The following AP4E1 variants were observed in gnomAD, a reference collection of about 807,000 sequenced individuals.
AP4E1 encodes AP-4 complex subunit epsilon-1.
A neutral mutation model predicts 128.2 loss-of-function variants in AP4E1; 56 were observed. The observed-to-expected ratio is 0.44, with a 90% CI of 0.35 to 0.55. AP4E1 has a LOEUF of 0.55. Among genes scored for constraint, AP4E1 ranks in the 20% least tolerant of loss-of-function variants. AP4E1 has a pLI of 0.00. For synonymous variants in AP4E1, 484 were observed against 473.1 expected, an observed-to-expected ratio of 1.02 and a Z score of -0.30; for missense variants, 1,324 against 1,307.7, an observed-to-expected ratio of 1.01 and a Z score of -0.19.
At chr15:50,979,131 T>TATGCA (rs1441602780) in intron 15 of AP4E1, among the ~76,000 whole-genome samples, 2 of 152,046 alleles carry the variant, frequency 1.3e-5, no homozygotes, top group African/African-American at 4.8e-5. Flanking sequence ...AGAAAACATT[T>TATGCA]CTTGAGGTAT....
intron 5 of AP4E1, among the ~76,000 whole-genome samples, chr15:50,927,979 G>A (rs2063788283): frequency 6.6e-6 from 1 of 152,126 alleles, no homozygotes; most frequent in South Asian, 2.1e-4. Flanking sequence ...CAAGGAAGAA[G>A]CTTCCTTGGA....
intron 1 of AP4E1, among the ~76,000 whole-genome samples, chr15:50,909,576 C>CTT (rs1380471609): frequency 6.6e-6 from 1 of 152,238 alleles, no homozygotes; most frequent in Non-Finnish European, 1.5e-5. Context: ...AATTCTTAAA[C>CTT]TTTTAAAATT....
intron 12 of AP4E1, 40 bp from the exon 13 acceptor site, chr15:50,950,011 A>C (rs1418716118): frequency 3.1e-6 from 5 of 1,592,854 alleles, no homozygotes; most frequent in Admixed American, 3.3e-5. Context: ...TCCTAAGATA[A>C]GTTTGTGGAA....
chr15:50,934,173 T>C (rs1457197638), intron 7 of AP4E1, among the ~76,000 whole-genome samples: 1 of 152,114 alleles, frequency 6.6e-6, no homozygotes. Flanking sequence ...AAATTTTCTT[T>C]CTGAAGAACC....
intron 1 of AP4E1, among the ~76,000 whole-genome samples, chr15:50,909,782 G>C (rs2063541676): frequency 6.6e-6 from 1 of 152,020 alleles, no homozygotes; most frequent in Admixed American, 6.6e-5. Flanking sequence ...CCGCCTTCCG[G>C]GTTCACGCCA....
At chr15:50,930,750 C>T (rs2063823817) in intron 6 of AP4E1, 55 bp from the exon 7 acceptor site, 2 of 1,548,570 alleles carry the variant, frequency 1.3e-6, no homozygotes, top group African/African-American at 1.4e-5. Context: ...TCAATTAGGT[C>T]TATTTCTATT....
At chr15:50,913,163 T>C (rs2063584713) in intron 2 of AP4E1, among the ~76,000 whole-genome samples, 1 of 152,222 alleles carries the variant, frequency 6.6e-6, no homozygotes, top group Non-Finnish European at 1.5e-5. Flanking sequence ...TGAATATATT[T>C]TCTTCTGTGG....
chr15:50,909,403 A>G (rs986492785), intron 1 of AP4E1, among the ~76,000 whole-genome samples: 1 of 152,086 alleles, frequency 6.6e-6, no homozygotes, highest in African/African-American at 2.4e-5. Context: ...CAGATGTCGC[A>G]TACCTGAAGA....
At chr15:50,944,630 C>A in intron 10 of AP4E1, 4 of 302,630 alleles carry the variant, frequency 1.3e-5, no homozygotes, top group South Asian at 7.7e-5. Context: ...CAGCAAAGAG[C>A]TCGTGGAGTC....
intron 2 of AP4E1, among the ~76,000 whole-genome samples, chr15:50,913,165 C>T (rs534649063): frequency 6.6e-6 from 1 of 152,190 alleles, no homozygotes; most frequent in East Asian, 1.9e-4. Context: ...AATATATTTT[C>T]TTCTGTGGTC....
chr15:50,945,133 T>C lies in AP4E1; in HGVS notation c.1177-2887T>C. ...TTACATACAACATTAGGAAAGACAG[T>C]GTATACTGGGGTTTATCATCACTGT... is the stretch of plus-strand genomic sequence containing the variant. On this transcript the variant is annotated intron_variant, in intron 10 of 20. Transcript: ENST00000261842. 6 of 813,758 alleles carry C rather than the reference T, an allele frequency of 7.4e-6. No individual in the cohort carries two copies. The South Asian group carries it at 8.0e-5, about 11-fold the overall frequency. 50.4% of individuals were successfully genotyped at this position (813,758 alleles called of 1,614,324 possible). A position where few individuals can be genotyped will look rare whatever the true frequency, so the allele number is the denominator to read the frequency against.
chr15:50,963,089 A>C (rs1351883632), intron 14 of AP4E1, among the ~76,000 whole-genome samples: 1 of 152,096 alleles, frequency 6.6e-6, no homozygotes, highest in East Asian at 1.9e-4. Flanking sequence ...AGGAGACAAA[A>C]AATAACAAAT....
intron 8 of AP4E1, among the ~76,000 whole-genome samples, chr15:50,938,001 A>G (rs2063929918): frequency 6.6e-6 from 1 of 152,230 alleles, no homozygotes; most frequent in African/African-American, 2.4e-5. Context: ...TACAAGGGAC[A>G]AAAGCCATCA....
At position 50,949,860 on chromosome 15, in the gene AP4E1, A is replaced by G. The variant is rs765801702; in HGVS notation, c.1351A>G (p.Met451Val). ...TGATAATGCATGGTTTATTCAGACA[A>G]TGAATGCTGTGTTTTCAGTAGGAGG... ...APDNAWFIQT[M>V]NAVFSVGGDV... Residue 451 changes from methionine to valine, a missense_variant, in exon 12 of 21, where the codon ATG becomes GTG. By Grantham distance (21) the Met-to-Val change is conservative (BLOSUM62 1). Coordinates refer to ENST00000261842, the MANE Select transcript of AP4E1 (RefSeq NM_007347.5). 14 of 1,613,700 alleles carry G rather than the reference A, an allele frequency of 8.7e-6. No homozygotes were observed. Among genetic ancestry groups the G allele is most frequent in the African/African-American group, 5.3e-5 (4 of 74,928 alleles).
rs551737008 is a variant in AP4E1 at position 50,909,228 on chromosome 15, A to G, written c.150+300A>G. Among the ~76,000 whole-genome samples the G allele has an allele frequency of 6.6e-5, 10 of 152,374 alleles. No homozygotes were observed. In the South Asian group the frequency reaches 1.2e-3, roughly 19 times the overall value. On this transcript the variant is annotated intron_variant, in intron 1 of 20. Coordinates refer to ENST00000261842, the MANE Select transcript of AP4E1 (RefSeq NM_007347.5). The stretch of plus-strand genomic sequence containing the variant: ...AACGTTGTGGTGGAAAAGTACTGAT[A>G]CATAATTCATAGGTTTTTTGTTTGT...
intron 16 of AP4E1, among the ~76,000 whole-genome samples, chr15:50,985,231 T>G (rs1170127079): frequency 2.0e-5 from 3 of 152,218 alleles, no homozygotes; most frequent in African/African-American, 7.2e-5. Flanking sequence ...ATGAGTAGAT[T>G]GCAAAAATTT....
intron 15 of AP4E1, 82 bp downstream of exon 15, chr15:50,968,459 G>T (rs2064427013): frequency 3.0e-6 from 3 of 984,530 alleles, no homozygotes; most frequent in Non-Finnish European, 4.7e-6. Context: ...AATAAATAAA[G>T]ATATTTACTT....
At chr15:51,000,065 A>G (rs574360674) in intron 19 of AP4E1, among the ~76,000 whole-genome samples, 2 of 151,664 alleles carry the variant, frequency 1.3e-5, no homozygotes, top group African/African-American at 4.8e-5. Context: ...CAGAATACCG[A>G]TGAATATCTC....
At chr15:50,943,236 T>TA (rs905890176) in intron 10 of AP4E1, among the ~76,000 whole-genome samples, 1 of 152,028 alleles carries the variant, frequency 6.6e-6, no homozygotes, top group Non-Finnish European at 1.5e-5. Context: ...ATTACATTCT[T>TA]AAAAAAAGAG....
Sources: gnomAD v4.1 joint callset for allele counts (sites outside exome capture counted in the v4.1 genomes callset) on GRCh38, gnomAD v4.1.1 for gene constraint, MANE v1.5 for transcripts, NCBI Gene and HGNC (gene_info 2026-07-23, HGNC 2026-07-21) for gene names.